The following PALS2 variants were observed in gnomAD, a reference collection of about 807,000 sequenced individuals.
PALS2 encodes protein associated with LIN7 2, MAGUK p55 family member, also known as protein PALS2.
In PALS2, 27 loss-of-function variants were observed where a neutral mutation model predicts 61.6. The observed-to-expected ratio is 0.44, with a 90% CI of 0.32 to 0.60. The LOEUF is 0.60. Among genes scored for constraint, PALS2 ranks in the 20% least tolerant of loss-of-function variants. PALS2 has a pLI of 0.05. For missense variants in PALS2, 554 were observed against 639.4 expected (o/e 0.87, Z 1.44); for synonymous variants, 236 against 218.6 (o/e 1.08, Z -0.70).
At chr7:24,598,603 T>C (rs1783605626) in intron 1 of PALS2, among the ~76,000 whole-genome samples, 1 of 152,230 alleles carries the variant, frequency 6.6e-6, no homozygotes, top group African/African-American at 2.4e-5. Flanking sequence ...AATAACCTGT[T>C]CATTATAGAT....
rs1374160972 is a variant in PALS2, at chr7:24,633,915, TC to T, written c.118-7799del. ...TATTTGATTTTTTGGTTCTTAACTG[TC>T]CTAGTGGGTGTGAAGTGGTATTTTA... On this transcript the variant is annotated intron_variant, in intron 2 of 11. Coordinates refer to ENST00000222644, the MANE Select transcript of PALS2 (RefSeq NM_001303037.2). 6.6e-5 allele frequency among the ~76,000 whole-genome samples: 10 copies of T among 152,332 alleles called. No individual in the cohort carries two copies. In the East Asian group the frequency reaches 1.7e-3, roughly 26 times the overall value.
At chr7:24,591,813 T>C (rs936793001) in intron 1 of PALS2, among the ~76,000 whole-genome samples, 19 of 152,104 alleles carry the variant, frequency 1.2e-4, no homozygotes, top group African/African-American at 4.3e-4. Context: ...TTCATTAACA[T>C]TGTACTCATA....
rs1783522058 is a variant in PALS2, at chr7:24,596,315, T to C, written c.-3+22722T>C. Among the ~76,000 whole-genome samples the C allele has an allele frequency of 6.6e-6, 1 of 152,110 alleles. No individual in the cohort carries two copies. Among genetic ancestry groups the C allele is most frequent in the Non-Finnish European group, 1.5e-5 (1 of 68,012 alleles). On this transcript the variant is annotated intron_variant, in intron 1 of 11. Coordinates refer to ENST00000222644, the MANE Select transcript of PALS2 (RefSeq NM_001303037.2). This position sits in a 1 kb window ranked among gnomAD's most constrained non-coding sequence, Gnocchi z 4.5. ...GTCAGATGGCTTTTCTTCAGTCACC[T>C]CCATTGTGACCGAATTGAAGAACCA...
chr7:24,667,785 C>A (rs1438277081), intron 8 of PALS2, among the ~76,000 whole-genome samples: 1 of 151,460 alleles, frequency 6.6e-6, no homozygotes. Flanking sequence ...CTGCCTCAGC[C>A]CCCTGAGTAG....
chr7:24,635,613 G>A (rs151122144), intron 2 of PALS2, among the ~76,000 whole-genome samples: 1 of 152,208 alleles, frequency 6.6e-6, no homozygotes, highest in East Asian at 1.9e-4. Context: ...GGACATCTTT[G>A]TCTTGTTTCT....
chr7:24,617,410 AT>A (rs1251458207), intron 1 of PALS2, among the ~76,000 whole-genome samples: 1 of 152,146 alleles, frequency 6.6e-6, no homozygotes, highest in East Asian at 1.9e-4. Flanking sequence ...TTATTGGAGA[AT>A]TACTGTATTC....
At chr7:24,582,399 TTAC>T (rs1280312077) in intron 1 of PALS2, among the ~76,000 whole-genome samples, 5 of 151,960 alleles carry the variant, frequency 3.3e-5, no homozygotes, top group African/African-American at 4.8e-5. Context: ...TGTCAGTTGT[TTAC>T]AAATTCTTGA....
intron 1 of PALS2, among the ~76,000 whole-genome samples, chr7:24,582,541 ATT>A (rs149430953): frequency 6.6e-6 from 1 of 151,250 alleles, no homozygotes. Flanking sequence ...AGAAACATTG[ATT>A]TTTTTTTCAT....
chr7:24,643,802 T>C (rs1421196069), intron 3 of PALS2, among the ~76,000 whole-genome samples: 1 of 152,162 alleles, frequency 6.6e-6, no homozygotes, highest in Non-Finnish European at 1.5e-5. Flanking sequence ...AGAAGTTCTA[T>C]CTAAAAAGTT....
At chr7:24,639,688 A>C (rs576818570) in intron 2 of PALS2, among the ~76,000 whole-genome samples, 2 of 150,300 alleles carry the variant, frequency 1.3e-5, no homozygotes, top group East Asian at 3.9e-4. Context: ...TTTTTTTTCC[A>C]ATGGTGATAG....
intron 5 of PALS2, among the ~76,000 whole-genome samples, chr7:24,662,272 A>G (rs1214248378): frequency 1.3e-5 from 2 of 152,196 alleles, no homozygotes; most frequent in African/African-American, 4.8e-5. Flanking sequence ...TACTTTTACC[A>G]CACTAATAAT....
chr7:24,650,630 T>C lies in PALS2; in HGVS notation c.569T>C (p.Leu190Ser). The change falls in exon 5 of 12, where the codon TTA becomes TCA. Residue 190 changes from leucine to serine, a missense_variant. By Grantham distance (145) the Leu-to-Ser change is moderately radical. Coordinates refer to ENST00000222644, the MANE Select transcript of PALS2 (RefSeq NM_001303037.2). ...GHEVGNNPKE[L>S]QELLKNISGS... ...GAGGTTGGAAATAATCCAAAGGAAT[T>C]ACAAGAATTACTGAAAAATATTAGT... 1 of 1,612,332 alleles carries C rather than the reference T, an allele frequency of 6.2e-7. No individual in the cohort carries two copies. The highest frequency in any genetic ancestry group is 8.5e-7 in the Non-Finnish European group (1 of 1,178,624).
In PALS2 at chr7:24,691,393, G is replaced by GTGTGTT. The variant is rs1235619737; in HGVS notation, c.*3784_*3785insTTGTGT. On this transcript the variant is annotated 3_prime_UTR_variant, in exon 12 of 12. Transcript: ENST00000222644. ...TCGAGTTGCCATATATTATGTATGTGTGTGTGTGTGTGTATATATATATAT... is the reference window on the plus strand; with the variant it reads ...TCGAGTTGCCATATATTATGTATGTGTGTGTTTGTGTGTGTGTGTATATATATATAT... 4.0e-3 allele frequency: 418 copies of GTGTGTT among 105,254 alleles called. 8 individuals carry two copies. Among genetic ancestry groups the GTGTGTT allele is most frequent in the African/African-American group, 0.013 (393 of 31,218 alleles). 6.5% of individuals were successfully genotyped at this position (105,254 alleles called of 1,614,324 possible). A position where few individuals can be genotyped will look rare whatever the true frequency, so the allele number is the denominator to read the frequency against.
At chr7:24,601,400 G>A (rs566880739) in intron 1 of PALS2, among the ~76,000 whole-genome samples, 1 of 152,024 alleles carries the variant, frequency 6.6e-6, no homozygotes, top group African/African-American at 2.4e-5. Context: ...TCAACTTTCA[G>A]TGCATTCATT....
In PALS2 at chr7:24,692,778, T is replaced by A. The variant is rs1788533896; in HGVS notation, c.*5164T>A. 1 of 152,160 alleles carries A rather than the reference T, an allele frequency of 6.6e-6. No homozygotes were observed. The allele number at this position is 152,160 out of a possible 1,614,324, so 9.4% of individuals were successfully genotyped here. A position where few individuals can be genotyped will look rare whatever the true frequency, so the allele number is the denominator to read the frequency against. ...ACTCGGTTACACCAGAAGACTCTGATCTTTGCCCCCGAAAACTGTCCTACT... is the reference window on the plus strand; with the variant it reads ...ACTCGGTTACACCAGAAGACTCTGAACTTTGCCCCCGAAAACTGTCCTACT... On this transcript the variant is annotated 3_prime_UTR_variant, in exon 12 of 12. Transcript: ENST00000222644.
intron 1 of PALS2, among the ~76,000 whole-genome samples, chr7:24,593,898 TCTAA>T: frequency 6.6e-6 from 1 of 152,246 alleles, no homozygotes; most frequent in Non-Finnish European, 1.5e-5. Context: ...TGTGTTTGCC[TCTAA>T]CTAAAGAGTC....
At position 24,647,258 on chromosome 7, in the gene PALS2, T is replaced by G. The variant is rs369720028; in HGVS notation, c.271-2354T>G. Among the ~76,000 whole-genome samples, 15 of 152,160 alleles carry G rather than the reference T, an allele frequency of 9.9e-5. 1 individual carries two copies. Among genetic ancestry groups the G allele is most frequent in the Admixed American group, 7.2e-4 (11 of 15,276 alleles). ...ACCTCCCAGGTTCAAGCAATTCTCC[T>G]GCCTCAGCCTCCCAAGTAGCTGGGA... On this transcript the variant is annotated intron_variant, in intron 3 of 11. Transcript: ENST00000222644.
chr7:24,593,542 G>C (rs1783381282), intron 1 of PALS2, among the ~76,000 whole-genome samples: 1 of 152,098 alleles, frequency 6.6e-6, no homozygotes, highest in Non-Finnish European at 1.5e-5. Context: ...TCTTAAATAA[G>C]ATTTGAAAGT....
chr7:24,587,398 T>C lies in PALS2; in HGVS notation c.-3+13805T>C, dbSNP rs1418295459. Among the ~76,000 whole-genome samples the C allele has an allele frequency of 2.0e-5, 3 of 152,164 alleles. No individual in the cohort carries two copies. The East Asian group carries it at 5.8e-4, about 29-fold the overall frequency. ...TTATTTTTAATTTAAAAAATTTTTT[T>C]AGACAGCATATCCCTCTGTCACCCA... On this transcript the variant is annotated intron_variant, in intron 1 of 11. Coordinates refer to ENST00000222644, the MANE Select transcript of PALS2 (RefSeq NM_001303037.2).
Sources: gnomAD v4.1 joint callset for allele counts (sites outside exome capture counted in the v4.1 genomes callset) on GRCh38, gnomAD v4.1.1 for gene constraint, Gnocchi (gnomAD v3.1) non-coding constraint, MANE v1.5 for transcripts, NCBI Gene and HGNC (gene_info 2026-07-23, HGNC 2026-07-21) for gene names.